Variants in PRKCE observed in about 807,000 individuals in gnomAD.
PRKCE encodes the protein protein kinase C epsilon, also known as protein kinase C epsilon type.
A neutral mutation model predicts 85.4 loss-of-function variants in PRKCE; 16 were observed. The ratio of observed to expected loss-of-function variants is 0.19; its 90% CI spans 0.13 to 0.28. The LOEUF (loss-of-function observed/expected upper bound fraction) is 0.28. PRKCE is among the 10% of genes least tolerant of loss of function. The probability of loss-of-function intolerance (pLI) is 1.00; values close to 1 mark genes in which losing one functional copy is unlikely to be tolerated. For synonymous variants in PRKCE, 388 were observed against 371.5 expected (o/e 1.04, Z -0.51); for missense variants, 573 against 975.2 (o/e 0.59, Z 5.49).
At chr2:46,080,526 G>T (rs1668973211) in intron 10 of PRKCE, among the ~76,000 whole-genome samples, 1 of 152,194 alleles carries the variant, frequency 6.6e-6, no homozygotes, top group South Asian at 2.1e-4. Flanking sequence ...TCCATGGTGG[G>T]TGTTCAAGAA....
chr2:45,876,132 T>C (rs1694460256), intron 2 of PRKCE, among the ~76,000 whole-genome samples: 2 of 152,210 alleles, frequency 1.3e-5, no homozygotes, highest in African/African-American at 2.4e-5. Flanking sequence ...AATAAAATAT[T>C]ACAGTGGCTC....
intron 1 of PRKCE, among the ~76,000 whole-genome samples, chr2:45,753,967 G>C (rs1683795386): frequency 6.6e-6 from 1 of 152,230 alleles, no homozygotes. Flanking sequence ...ACCGTATTCA[G>C]ATTTTCCCAG....
chr2:45,958,619 C>A (rs1322244480), intron 2 of PRKCE, among the ~76,000 whole-genome samples: 1 of 150,162 alleles, frequency 6.7e-6, no homozygotes, highest in African/African-American at 2.4e-5. Flanking sequence ...CTCTCACACA[C>A]CCCCTATGCT....
chr2:46,124,959 GC>G lies in PRKCE; in HGVS notation c.1593-20132del, dbSNP rs1404899156. 7.2e-5 allele frequency among the ~76,000 whole-genome samples: 11 copies of G among 152,282 alleles called. 2 individuals carry two copies. In the Middle Eastern group the frequency reaches 0.02, roughly 283 times the overall value. ...TAAATCTTAGCTGGAAAAAGGGATG[GC>G]CTATCTCAAAGTGGCACAAATAAAG... is the stretch of plus-strand genomic sequence containing the variant. On this transcript the variant is annotated intron_variant, in intron 11 of 14. Transcript: ENST00000306156.
intron 10 of PRKCE, among the ~76,000 whole-genome samples, chr2:46,077,016 A>T (rs1326782884): frequency 6.6e-6 from 1 of 152,156 alleles, no homozygotes; most frequent in Non-Finnish European, 1.5e-5. Flanking sequence ...GGAGGTGTTC[A>T]CCAAAAGGCA....
At chr2:46,019,218 G>A (rs1706427861) in intron 10 of PRKCE, among the ~76,000 whole-genome samples, 1 of 152,210 alleles carries the variant, frequency 6.6e-6, no homozygotes, top group Non-Finnish European at 1.5e-5. Context: ...CACTGACTAT[G>A]TGGAGTTTGT....
At chr2:45,928,428 C>T (rs917817621) in intron 2 of PRKCE, among the ~76,000 whole-genome samples, 1 of 152,130 alleles carries the variant, frequency 6.6e-6, no homozygotes, top group Admixed American at 6.6e-5. Context: ...CCACCATGCC[C>T]AGCTAATTTT....
intron 11 of PRKCE, among the ~76,000 whole-genome samples, chr2:46,107,551 T>G (rs1191496965): frequency 2.0e-5 from 3 of 152,234 alleles, no homozygotes; most frequent in Non-Finnish European, 4.4e-5. Flanking sequence ...TAAACATGTT[T>G]TCCAATCAGT....
chr2:45,732,193 G>A (rs1463828224), intron 1 of PRKCE, among the ~76,000 whole-genome samples: 1 of 152,042 alleles, frequency 6.6e-6, no homozygotes, highest in Non-Finnish European at 1.5e-5. Flanking sequence ...AAGAATATGG[G>A]GGCCCTGGAC....
At chr2:45,744,538 CTTT>C (rs1558624206) in intron 1 of PRKCE, among the ~76,000 whole-genome samples, 34 of 68,458 alleles carry the variant, frequency 5.0e-4, no homozygotes, top group Middle Eastern at 7.7e-3. Flanking sequence ...TTCTTTCCTT[CTTT>C]CTTTCTTTCT....
At chr2:45,671,361 G>A (rs1304443666) in intron 1 of PRKCE, among the ~76,000 whole-genome samples, 4 of 152,160 alleles carry the variant, frequency 2.6e-5, no homozygotes, top group Admixed American at 1.3e-4. Context: ...TTAGGACAAA[G>A]GTTTTTTACT....
rs1696043896 is a variant in PRKCE at position 45,895,204 on chromosome 2, C to T, written c.412+52141C>T. Among the ~76,000 whole-genome samples the T allele has an allele frequency of 6.6e-6, 1 of 152,154 alleles. No individual in the cohort carries two copies. Among genetic ancestry groups the T allele is most frequent in the African/African-American group, 2.4e-5 (1 of 41,428 alleles). On this transcript the variant is annotated intron_variant, in intron 2 of 14. Coordinates refer to ENST00000306156, the MANE Select transcript of PRKCE (RefSeq NM_005400.3). The surrounding 1 kb of genome is among the most constrained non-coding windows in gnomAD (Gnocchi z 4.8). ...CAGGCGGAGTGGGTTGGATGAGGCA[C>T]ATGTTTCTAGACTACTCTCCATTTT...
At chr2:45,745,932 G>T (rs953926269) in intron 1 of PRKCE, among the ~76,000 whole-genome samples, 1 of 152,172 alleles carries the variant, frequency 6.6e-6, no homozygotes, top group Non-Finnish European at 1.5e-5. Context: ...TATAGATGTC[G>T]TCACAAGCCT....
At chr2:45,913,649 A>G (rs1245232231) in intron 2 of PRKCE, among the ~76,000 whole-genome samples, 1 of 152,220 alleles carries the variant, frequency 6.6e-6, no homozygotes, top group Non-Finnish European at 1.5e-5. Context: ...GACCTTCTTC[A>G]GCATTAGTAA....
intron 10 of PRKCE, 168 bp downstream of exon 10, chr2:46,010,685 G>A: frequency 1.3e-6 from 2 of 1,598,530 alleles, no homozygotes; most frequent in Non-Finnish European, 1.7e-6. Context: ...CTTTTTTAGG[G>A]CACAGGATTT....
intron 2 of PRKCE, among the ~76,000 whole-genome samples, chr2:45,922,816 G>A (rs184176018): frequency 3.3e-5 from 5 of 152,302 alleles, no homozygotes; most frequent in Admixed American, 6.5e-5. Context: ...TCCAGTGCTG[G>A]GATGTGCTTA....
intron 2 of PRKCE, among the ~76,000 whole-genome samples, chr2:45,871,709 G>A (rs1694100696): frequency 6.6e-6 from 1 of 152,204 alleles, no homozygotes; most frequent in Non-Finnish European, 1.5e-5. Context: ...CAAAGCAGCA[G>A]CTTTAGAAGC....
At chr2:45,925,636 A>AT (rs1698559429) in intron 2 of PRKCE, among the ~76,000 whole-genome samples, 1 of 152,224 alleles carries the variant, frequency 6.6e-6, no homozygotes, top group Non-Finnish European at 1.5e-5. Context: ...ATCAGTAAAC[A>AT]TTTACTGTGT....
At chr2:46,066,881 C>T (rs776497782) in intron 10 of PRKCE, among the ~76,000 whole-genome samples, 4 of 152,002 alleles carry the variant, frequency 2.6e-5, no homozygotes, top group East Asian at 1.9e-4. Context: ...TCCATAGATA[C>T]GTGGTAAAGG....
Sources: allele counts gnomAD v4.1 joint callset (sites outside exome capture counted in the v4.1 genomes callset), GRCh38; gene constraint gnomAD v4.1.1; non-coding constraint Gnocchi (gnomAD v3.1); transcripts MANE v1.5; gene names NCBI Gene and HGNC (gene_info 2026-07-23, HGNC 2026-07-21).